The following CUX2 variants were observed in gnomAD, a reference collection of about 807,000 sequenced individuals.
The protein encoded by CUX2 is homeobox protein cut-like 2.
Under a neutral mutation model 144.8 loss-of-function variants are expected in CUX2, and 40 were observed. The observed-to-expected ratio is 0.28, with a 90% CI of 0.21 to 0.36. The LOEUF (loss-of-function observed/expected upper bound fraction) is 0.36, where lower values mean the gene tolerates loss of function less well. Ranked by LOEUF, CUX2 falls within the 10% of genes least tolerant of loss-of-function variation. The pLI is 1.00. For synonymous variants in CUX2, 827 were observed against 875.6 expected, an observed-to-expected ratio of 0.94 and a Z score of 0.98; for missense variants, 1,615 against 1,994.0, an observed-to-expected ratio of 0.81 and a Z score of 3.62.
In CUX2 at chr12:111,214,186, T is replaced by TA; in HGVS notation, c.64-14_64-13insA. 3.5e-6 allele frequency: 5 copies of TA among 1,440,494 alleles called. No individual in the cohort carries two copies. The highest frequency in any genetic ancestry group is 2.9e-5 in the African/African-American group (2 of 68,636). The allele number at this position is 1,440,494 out of a possible 1,614,324, so 89.2% of individuals were successfully genotyped here. On this transcript the variant is annotated splice_polypyrimidine_tract_variant and intron_variant, in intron 1 of 21. Transcript: ENST00000261726. ...TTCTCTCTCTCTCTTTTTTTTTTTT[T>TA]TTTATTGTTCCAGAAGGAGCTTAAT...
chr12:111,161,848 C>T (rs534247434), intron 1 of CUX2, among the ~76,000 whole-genome samples: 8 of 152,350 alleles, frequency 5.3e-5, no homozygotes, highest in African/African-American at 1.9e-4. Context: ...AGTCCTCCCA[C>T]TTCAGCCTCT....
chr12:111,165,731 G>A (rs1878097996), intron 1 of CUX2, among the ~76,000 whole-genome samples: 1 of 152,162 alleles, frequency 6.6e-6, no homozygotes, highest in Admixed American at 6.5e-5. Flanking sequence ...TCGCCTCCCA[G>A]CTCCACGTGT....
chr12:111,346,159 C>T (rs1403378165), intron 21 of CUX2, among the ~76,000 whole-genome samples: 1 of 143,674 alleles, frequency 7.0e-6, no homozygotes, highest in Non-Finnish European at 1.5e-5. Flanking sequence ...AATGCAATTA[C>T]TTTTGCACCA....
At chr12:111,044,828 G>A (rs1869920756) in intron 1 of CUX2, among the ~76,000 whole-genome samples, 1 of 152,176 alleles carries the variant, frequency 6.6e-6, no homozygotes, top group South Asian at 2.1e-4. Flanking sequence ...CCCCTCACTG[G>A]CTCTTGAAAG....
rs753047815 is a variant in CUX2, at chr12:111,310,531, G to A, written c.1749G>A (p.Leu583=). The A allele has an allele frequency of 1.4e-5, 23 of 1,613,974 alleles. No individual in the cohort carries two copies. The South Asian group carries it at 2.2e-4, about 15-fold the overall frequency. Residue 583 remains leucine (L), a synonymous_variant, in exon 15 of 22, where the codon CTG becomes CTA. Coordinates refer to ENST00000261726, the MANE Select transcript of CUX2 (RefSeq NM_015267.4). This position sits in a 1 kb window ranked among gnomAD's most constrained non-coding sequence, Gnocchi z 7.9. The part of the protein sequence containing the change: ...QRVFGHYVLG[L]SQGSVSEILA... Reference sequence around the variant, plus strand: ...TGTTTGGGCATTACGTGCTGGGGCTGTCGCAGGGCTCGGTCAGCGAGATCC... The same window carrying A: ...TGTTTGGGCATTACGTGCTGGGGCTATCGCAGGGCTCGGTCAGCGAGATCC...
At chr12:111,341,526 CCT>C (rs1198893710) in intron 20 of CUX2, among the ~76,000 whole-genome samples, 5 of 152,134 alleles carry the variant, frequency 3.3e-5, no homozygotes, top group Non-Finnish European at 7.3e-5. Context: ...GAGGAATGCT[CCT>C]GAGTCTTCGC....
At chr12:111,275,221 C>A (rs1884810602) in intron 4 of CUX2, among the ~76,000 whole-genome samples, 1 of 152,214 alleles carries the variant, frequency 6.6e-6, no homozygotes, top group Admixed American at 6.5e-5. Flanking sequence ...CGGTGTCCCC[C>A]ATCCCTGCAC....
intron 1 of CUX2, among the ~76,000 whole-genome samples, chr12:111,168,370 C>A (rs1878291171): frequency 6.6e-6 from 1 of 152,228 alleles, no homozygotes; most frequent in Non-Finnish European, 1.5e-5. Context: ...CTGTCCCCTG[C>A]AGATTCCAGG....
chr12:111,255,404 G>C lies in CUX2; in HGVS notation c.223-8357G>C, dbSNP rs868064476. Among the ~76,000 whole-genome samples, 1 of 152,334 alleles carries C rather than the reference G, an allele frequency of 6.6e-6. No individual in the cohort carries two copies. The highest frequency in any genetic ancestry group is 1.9e-4 in the East Asian group (1 of 5,192). On this transcript the variant is annotated intron_variant, in intron 3 of 21. Coordinates refer to ENST00000261726, the MANE Select transcript of CUX2 (RefSeq NM_015267.4). This position sits in a 1 kb window ranked among gnomAD's most constrained non-coding sequence, Gnocchi z 4.1. ...GATGGCAGAGAGCACGTTAGCACTC[G>C]CCAGGGAACGGGGGCCCCAGCAGAC...
At chr12:111,314,037 GC>G (rs146644377) in intron 16 of CUX2, among the ~76,000 whole-genome samples, 2,820 of 152,272 alleles carry the variant, frequency 0.019, 96 homozygotes, top group African/African-American at 0.063. Flanking sequence ...CCTCCCTCCT[GC>G]CTGGTCCCCG....
At chr12:111,340,887 C>G (rs1333930514) in intron 20 of CUX2, among the ~76,000 whole-genome samples, 1 of 152,126 alleles carries the variant, frequency 6.6e-6, no homozygotes, top group East Asian at 1.9e-4. Context: ...TTCTAAGTTG[C>G]TAGCCAGTCA....
chr12:111,172,868 C>T (rs944340604), intron 1 of CUX2, among the ~76,000 whole-genome samples: 1 of 152,190 alleles, frequency 6.6e-6, no homozygotes, highest in Non-Finnish European at 1.5e-5. Flanking sequence ...TATAACTGCT[C>T]TGAGTTATAG....
At chr12:111,214,058 C>T (rs1219607502) in intron 1 of CUX2, 142 bp from the exon 2 acceptor site, 2 of 427,452 alleles carry the variant, frequency 4.7e-6, no homozygotes, top group Non-Finnish European at 8.3e-6. Context: ...TGCCAGGAGT[C>T]AATATCCTGT....
intron 1 of CUX2, among the ~76,000 whole-genome samples, chr12:111,114,762 T>C (rs983454359): frequency 8.5e-5 from 13 of 152,378 alleles, no homozygotes; most frequent in Admixed American, 4.6e-4. Context: ...GATATTCTCC[T>C]ATGTTTCTTT....
chr12:111,115,937 C>G (rs1446440921), intron 1 of CUX2, among the ~76,000 whole-genome samples: 1 of 152,144 alleles, frequency 6.6e-6, no homozygotes, highest in African/African-American at 2.4e-5. Context: ...GAACGAATCC[C>G]CTCCTATTCT....
rs1885916724 is a variant in CUX2, at chr12:111,295,349, C to G, written c.577C>G (p.Gln193Glu). The change falls in exon 7 of 22, where the codon CAG (glutamine) becomes GAG (glutamate). Residue 193 changes from glutamine (Q) to glutamate (E), a missense_variant. Coordinates refer to ENST00000261726, the MANE Select transcript of CUX2 (RefSeq NM_015267.4). This position sits in a 1 kb window ranked among gnomAD's most constrained non-coding sequence, Gnocchi z 5.0. ...TCTCCGCAGGGGCCTTCAAGAAGTA[C>G]AGATCACTTTGGCGGCCAGACTGGG... is the stretch of plus-strand genomic sequence containing the variant. ...AEKQKGLQEVQITLAARLGEA... is the reference protein window; with the variant it reads ...AEKQKGLQEVEITLAARLGEA... 1 of 1,613,152 alleles carries G rather than the reference C, an allele frequency of 6.2e-7. No individual in the cohort carries two copies. The highest frequency in any genetic ancestry group is 8.5e-7 in the Non-Finnish European group (1 of 1,179,628).
intron 3 of CUX2, among the ~76,000 whole-genome samples, chr12:111,262,140 G>A (rs556484012): frequency 3.3e-5 from 5 of 152,252 alleles, no homozygotes; most frequent in Non-Finnish European, 5.9e-5. Context: ...TAATTAATGA[G>A]TCATCTGGGG....
chr12:111,242,190 C>T (rs893864120), intron 3 of CUX2, among the ~76,000 whole-genome samples: 3 of 152,270 alleles, frequency 2.0e-5, no homozygotes, highest in African/African-American at 7.2e-5. Flanking sequence ...TTCATTATCG[C>T]ATTGAATCCT....
At chr12:111,262,999 G>A (rs1291469546) in intron 3 of CUX2, among the ~76,000 whole-genome samples, 2 of 152,198 alleles carry the variant, frequency 1.3e-5, no homozygotes, top group African/African-American at 4.8e-5. Flanking sequence ...GGTAGGTCCT[G>A]TTATTTACCC....
Sources: gnomAD v4.1 joint callset for allele counts (sites outside exome capture counted in the v4.1 genomes callset) on GRCh38, gnomAD v4.1.1 for gene constraint, Gnocchi (gnomAD v3.1) non-coding constraint, MANE v1.5 for transcripts, NCBI Gene and HGNC (gene_info 2026-07-23, HGNC 2026-07-21) for gene names.